The following GAS7 variants were observed in gnomAD, a reference collection of about 807,000 sequenced individuals.
The protein encoded by GAS7 is growth arrest specific 7.
GAS7 carries 28 observed loss-of-function variants against 71.1 expected under a neutral mutation model. The observed-to-expected ratio is 0.39, with a 90% CI of 0.29 to 0.54. The LOEUF is 0.54. GAS7 is among the 20% of genes least tolerant of loss of function. The pLI, the probability that GAS7 is intolerant of heterozygous loss-of-function variation, is 0.62. For synonymous variants in GAS7, 258 were observed against 245.8 expected, an observed-to-expected ratio of 1.05 and a Z score of -0.46; for missense variants, 436 against 627.8, an observed-to-expected ratio of 0.69 and a Z score of 3.27.
chr17:10,024,479 G>A (rs142315685), intron 1 of GAS7, among the ~76,000 whole-genome samples: 1 of 152,160 alleles, frequency 6.6e-6, no homozygotes, highest in Non-Finnish European at 1.5e-5. Context: ...CGGGGGCTGG[G>A]GACAGACCCC....
intron 1 of GAS7, among the ~76,000 whole-genome samples, chr17:10,063,990 G>A (rs917701900): frequency 3.9e-5 from 6 of 152,072 alleles, no homozygotes; most frequent in African/African-American, 1.2e-4. Context: ...ACGAGCGCTC[G>A]TCCCCACTTC....
At chr17:10,053,610 A>G (rs1283756649) in intron 1 of GAS7, among the ~76,000 whole-genome samples, 1 of 152,124 alleles carries the variant, frequency 6.6e-6, no homozygotes, top group Non-Finnish European at 1.5e-5. Context: ...AGGTCTCTTC[A>G]TCGATGTGGC....
intron 9 of GAS7, among the ~76,000 whole-genome samples, chr17:9,927,322 C>T (rs973319539): frequency 1.4e-5 from 2 of 148,050 alleles, no homozygotes; most frequent in African/African-American, 5.2e-5. Context: ...CACACACACA[C>T]ACACACACAC....
intron 1 of GAS7, among the ~76,000 whole-genome samples, chr17:10,080,720 T>C (rs914021635): frequency 1.3e-5 from 2 of 152,332 alleles, no homozygotes; most frequent in Non-Finnish European, 2.9e-5. Context: ...TTTAATGCAA[T>C]AGTTGTTCAT....
At chr17:10,064,217 C>G (rs2073255002) in intron 1 of GAS7, among the ~76,000 whole-genome samples, 1 of 152,208 alleles carries the variant, frequency 6.6e-6, no homozygotes, top group Non-Finnish European at 1.5e-5. Context: ...CACGCAGGGA[C>G]TGTGAGTCTG....
intron 1 of GAS7, among the ~76,000 whole-genome samples, chr17:10,145,276 A>G (rs1247765390): frequency 2.0e-5 from 3 of 152,070 alleles, no homozygotes; most frequent in Non-Finnish European, 4.4e-5. Flanking sequence ...GAAAGAAAAC[A>G]CTCTCTGTAT....
chr17:10,158,336 T>TAAAAAAAA (rs58514810), intron 1 of GAS7, among the ~76,000 whole-genome samples: 46 of 83,362 alleles, frequency 5.5e-4, no homozygotes, highest in African/African-American at 1.8e-3. Flanking sequence ...CTTTTTTTGG[T>TAAAAAAAA]AAAAAAAAAA....
intron 1 of GAS7, among the ~76,000 whole-genome samples, chr17:10,094,255 G>A (rs2073618297): frequency 6.6e-6 from 1 of 152,176 alleles, no homozygotes; most frequent in South Asian, 2.1e-4. Context: ...TTACTTAGCA[G>A]AGAGAAAACA....
intron 1 of GAS7, among the ~76,000 whole-genome samples, chr17:10,025,340 C>T (rs1012759597): frequency 6.6e-6 from 1 of 152,042 alleles, no homozygotes; most frequent in Non-Finnish European, 1.5e-5. Context: ...GCTACACCTA[C>T]TCAGCTCCAT....
chr17:10,064,008 C>T (rs146859509), intron 1 of GAS7, among the ~76,000 whole-genome samples: 9 of 152,312 alleles, frequency 5.9e-5, no homozygotes, highest in African/African-American at 2.2e-4. Context: ...TTCCCTTTTC[C>T]ATTTCCCAAC....
At chr17:9,951,692 G>A (rs1296028415) in intron 5 of GAS7, among the ~76,000 whole-genome samples, 3 of 150,118 alleles carry the variant, frequency 2.0e-5, no homozygotes, top group Admixed American at 1.3e-4. Flanking sequence ...GGGAGGTGGC[G>A]GTTGCGGTGA....
rs779432122 is a variant in GAS7 at position 10,198,367 on chromosome 17, G to T, written c.24C>A (p.Thr8=). The change falls in exon 1 of 14, where the codon ACC becomes ACA. Residue 8 remains threonine, a synonymous_variant. Coordinates refer to ENST00000432992, the MANE Select transcript of GAS7 (RefSeq NM_201433.2). ...GCCGCTCCCCGGAGAAGGGGTACAG[G>T]GTCCGGCAGCGAGCGCCGGACATGG... The part of the protein sequence containing the change: MSGARCR[T]LYPFSGERHG... 6.3e-7 allele frequency: 1 copy of T among 1,590,418 alleles called. No homozygotes were observed. The highest frequency in any genetic ancestry group is 1.7e-5 in the Admixed American group (1 of 59,488).
At chr17:9,992,550 C>A (rs967797122) in intron 2 of GAS7, among the ~76,000 whole-genome samples, 5 of 146,016 alleles carry the variant, frequency 3.4e-5, no homozygotes, top group African/African-American at 1.3e-4. Flanking sequence ...GGCCTGGCCT[C>A]CTTCCCAAAG....
At chr17:10,049,035 C>A (rs943990906) in intron 1 of GAS7, among the ~76,000 whole-genome samples, 2 of 152,184 alleles carry the variant, frequency 1.3e-5, no homozygotes, top group African/African-American at 4.8e-5. Context: ...AAGCAATGGG[C>A]CATGTGTGAG....
intron 1 of GAS7, among the ~76,000 whole-genome samples, chr17:10,131,110 C>T (rs1017904668): frequency 1.3e-5 from 2 of 152,218 alleles, no homozygotes; most frequent in Admixed American, 6.5e-5. Context: ...TCTGAAACTC[C>T]TCCCTGACCC....
intron 1 of GAS7, among the ~76,000 whole-genome samples, chr17:10,125,181 T>A (rs1312524049): frequency 6.6e-6 from 1 of 151,904 alleles, no homozygotes; most frequent in Admixed American, 6.6e-5. Flanking sequence ...CCTGTAAATA[T>A]ATTTAATGAT....
At chr17:10,158,348 A>ACAAAGAAC (rs373784257) in intron 1 of GAS7, among the ~76,000 whole-genome samples, 2 of 146,178 alleles carry the variant, frequency 1.4e-5, no homozygotes, top group Admixed American at 6.7e-5. Context: ...AAAAAAAAAA[A>ACAAAGAAC]AAAAAAAAAA....
intron 1 of GAS7, among the ~76,000 whole-genome samples, chr17:10,169,886 T>A (rs2142129784): frequency 6.6e-6 from 1 of 152,280 alleles, no homozygotes; most frequent in Non-Finnish European, 1.5e-5. Context: ...TAACTCTTGA[T>A]TTCCTCCCCA....
chr17:9,990,597 G>T (rs944553081), intron 2 of GAS7, among the ~76,000 whole-genome samples: 15 of 152,208 alleles, frequency 9.9e-5, no homozygotes, highest in African/African-American at 3.6e-4. Flanking sequence ...ACATATCTGA[G>T]GGAAGAGAAT....
Sources: allele counts gnomAD v4.1 joint callset (sites outside exome capture counted in the v4.1 genomes callset), GRCh38; gene constraint gnomAD v4.1.1; transcripts MANE v1.5; gene names NCBI Gene and HGNC (gene_info 2026-07-23, HGNC 2026-07-21).